Variants in MDFIC2 observed in about 807,000 individuals in gnomAD.
MDFIC2 encodes myoD family inhibitor domain-containing protein 2.
At chr3:70,227,586 T>C (rs1292665731) in intron 2 of MDFIC2, among the ~76,000 whole-genome samples, 1 of 152,220 alleles carries the variant, frequency 6.6e-6, no homozygotes, top group African/African-American at 2.4e-5. Context: ...AAGTTGAACA[T>C]AGATTACTCT....
chr3:70,237,917 G>A (rs1701625871), intron 2 of MDFIC2, among the ~76,000 whole-genome samples: 1 of 139,866 alleles, frequency 7.1e-6, no homozygotes, highest in Admixed American at 7.3e-5. Flanking sequence ...ATCTCCAAGA[G>A]GATTTAGAAT....
intron 2 of MDFIC2, among the ~76,000 whole-genome samples, chr3:70,290,216 G>A (rs1359441458): frequency 6.6e-6 from 1 of 152,154 alleles, no homozygotes; most frequent in Non-Finnish European, 1.5e-5. Flanking sequence ...CTTTGATGAT[G>A]GTGATGTACA....
chr3:70,228,698 G>C (rs183607767), intron 2 of MDFIC2, among the ~76,000 whole-genome samples: 1 of 147,374 alleles, frequency 6.8e-6, no homozygotes, highest in East Asian at 2.0e-4. Context: ...TTTTACATTT[G>C]ATGAAGGAAA....
At chr3:70,217,205 G>T (rs1453455477) in intron 2 of MDFIC2, among the ~76,000 whole-genome samples, 1 of 151,940 alleles carries the variant, frequency 6.6e-6, no homozygotes, top group African/African-American at 2.4e-5. Flanking sequence ...CAACATACAG[G>T]GAATTAAAGA....
At chr3:70,298,275 C>T (rs1469414833) in intron 2 of MDFIC2, among the ~76,000 whole-genome samples, 2 of 152,016 alleles carry the variant, frequency 1.3e-5, no homozygotes, top group African/African-American at 4.8e-5. Context: ...TTTCCCCACA[C>T]TTTGATGTGA....
intron 2 of MDFIC2, among the ~76,000 whole-genome samples, chr3:70,287,272 T>C (rs1348405765): frequency 7.0e-6 from 1 of 142,868 alleles, no homozygotes; most frequent in African/African-American, 2.7e-5. Flanking sequence ...CATGAAGGGT[T>C]GTTGAATTTT....
At chr3:70,248,170 A>G (rs1458448524) in intron 2 of MDFIC2, among the ~76,000 whole-genome samples, 1 of 152,126 alleles carries the variant, frequency 6.6e-6, no homozygotes, top group Non-Finnish European at 1.5e-5. Flanking sequence ...ACAGTCTAAT[A>G]GGACAGAAAC....
At chr3:70,287,556 A>G (rs1228308983) in intron 2 of MDFIC2, among the ~76,000 whole-genome samples, 13 of 152,040 alleles carry the variant, frequency 8.6e-5, no homozygotes, top group African/African-American at 1.9e-4. Context: ...TTGGTATCAG[A>G]ATGATGCTGG....
At chr3:70,247,096 C>T (rs1010178187) in intron 2 of MDFIC2, among the ~76,000 whole-genome samples, 11 of 151,808 alleles carry the variant, frequency 7.2e-5, no homozygotes, top group South Asian at 2.1e-4. Flanking sequence ...TAGTACCAAG[C>T]GCATGGTAGA....
chr3:70,307,314 G>A (rs999023271), intron 2 of MDFIC2, among the ~76,000 whole-genome samples: 6 of 152,084 alleles, frequency 3.9e-5, no homozygotes, highest in African/African-American at 1.2e-4. Flanking sequence ...ATAAGAAATC[G>A]TGTGCACTTC....
intron 2 of MDFIC2, among the ~76,000 whole-genome samples, chr3:70,233,728 T>C (rs1701583260): frequency 6.6e-6 from 1 of 152,238 alleles, no homozygotes; most frequent in African/African-American, 2.4e-5. Context: ...AAATTTCATG[T>C]AAACTGAATC....
chr3:70,195,512 G>A lies in MDFIC2; in HGVS notation c.*1414C>T, dbSNP rs1225258652. On this transcript the variant is annotated 3_prime_UTR_variant, in exon 4 of 4. Transcript: ENST00000567252. ...AGTTTATTTCAAATTGGAAAAATGT[G>A]CTAGTTTGCTACAGAAATAAAGCAA... is the stretch of plus-strand genomic sequence containing the variant. Among the ~76,000 whole-genome samples, 1 of 152,154 alleles carries A rather than the reference G, an allele frequency of 6.6e-6. No individual in the cohort carries two copies. Among genetic ancestry groups the A allele is most frequent in the Non-Finnish European group, 1.5e-5 (1 of 68,028 alleles).
At chr3:70,232,795 T>C (rs1701573038) in intron 2 of MDFIC2, among the ~76,000 whole-genome samples, 1 of 152,174 alleles carries the variant, frequency 6.6e-6, no homozygotes, top group Non-Finnish European at 1.5e-5. Flanking sequence ...TCTTACTGGG[T>C]TGGAGATTTT....
At chr3:70,222,940 A>C (rs919542643) in intron 2 of MDFIC2, among the ~76,000 whole-genome samples, 1 of 152,218 alleles carries the variant, frequency 6.6e-6, no homozygotes, top group Non-Finnish European at 1.5e-5. Context: ...GTATACCTAC[A>C]TAATTTATAT....
chr3:70,214,640 ATTAC>A (rs1701387433), intron 2 of MDFIC2, among the ~76,000 whole-genome samples: 1 of 150,160 alleles, frequency 6.7e-6, no homozygotes, highest in Non-Finnish European at 1.5e-5. Flanking sequence ...ATTCTGGATA[ATTAC>A]TTCAGTTTTC....
chr3:70,237,126 G>A (rs537212538), intron 2 of MDFIC2, among the ~76,000 whole-genome samples: 3 of 152,096 alleles, frequency 2.0e-5, no homozygotes, highest in Non-Finnish European at 2.9e-5. Context: ...ATTCATTCTC[G>A]AACATTTGCA....
At chr3:70,231,929 A>G (rs1474791586) in intron 2 of MDFIC2, among the ~76,000 whole-genome samples, 1 of 152,134 alleles carries the variant, frequency 6.6e-6, no homozygotes, top group Non-Finnish European at 1.5e-5. Context: ...ATGCTACACC[A>G]AATAACAGTC....
intron 2 of MDFIC2, among the ~76,000 whole-genome samples, chr3:70,241,030 C>T (rs768430467): frequency 6.6e-6 from 1 of 152,080 alleles, no homozygotes; most frequent in Non-Finnish European, 1.5e-5. Flanking sequence ...ATTTTTACAC[C>T]TTGTAACCAA....
intron 2 of MDFIC2, among the ~76,000 whole-genome samples, chr3:70,213,240 T>C (rs1006677610): frequency 2.0e-5 from 3 of 152,110 alleles, no homozygotes; most frequent in African/African-American, 7.2e-5. Context: ...CCTGAGTAGA[T>C]CTTTTTATTC....
Sources: gnomAD v4.1 joint callset for allele counts (sites outside exome capture counted in the v4.1 genomes callset) on GRCh38, gnomAD v4.1.1 for gene constraint, MANE v1.5 for transcripts, NCBI Gene and HGNC (gene_info 2026-07-23, HGNC 2026-07-21) for gene names.